The following PBRM1 variants were observed in gnomAD, a reference collection of about 807,000 sequenced individuals.
The protein encoded by PBRM1 is polybromo 1, also known as protein polybromo-1.
A neutral mutation model predicts 194.5 loss-of-function variants in PBRM1; 27 were observed. That is an observed-to-expected ratio of 0.14 (90% CI 0.10 to 0.19). The LOEUF (loss-of-function observed/expected upper bound fraction) is 0.19, where lower values mean the gene tolerates loss of function less well. Ranked by LOEUF, PBRM1 falls within the 10% of genes least tolerant of loss-of-function variation. PBRM1 has a pLI of 1.00. For synonymous variants in PBRM1, 655 were observed against 693.2 expected (o/e 0.94, Z 0.87); for missense variants, 1,466 against 2,077.2 (o/e 0.71, Z 5.72).
chr3:52,548,089 G>T (rs761719532), exon 30 of PBRM1: 79 of 1,610,192 alleles, frequency 4.9e-5, no homozygotes, highest in Non-Finnish European at 6.4e-5. Context: ...TTGTATGCTT[G>T]GCGAATGTTG....
upstream of PBRM1, among the ~76,000 whole-genome samples, chr3:52,683,278 G>C (rs2097244212): frequency 6.6e-6 from 1 of 151,828 alleles, no homozygotes; most frequent in South Asian, 2.1e-4. Context: ...GGAGGCTGAA[G>C]CATGAGAATT....
intron 15 of PBRM1, among the ~76,000 whole-genome samples, chr3:52,610,461 G>C (rs2094550537): frequency 6.6e-6 from 1 of 152,138 alleles, no homozygotes; most frequent in Admixed American, 6.5e-5. Flanking sequence ...TAGCAGTATA[G>C]CCCACATTAG....
At chr3:52,664,148 G>A (rs894883005) in intron 3 of PBRM1, among the ~76,000 whole-genome samples, 1 of 151,754 alleles carries the variant, frequency 6.6e-6, no homozygotes, top group Non-Finnish European at 1.5e-5. Flanking sequence ...CTTAAGCCCA[G>A]GAGTTTAAGG....
At chr3:52,634,975 G>A (rs961942262) in intron 10 of PBRM1, among the ~76,000 whole-genome samples, 160 bp from the exon 12 acceptor site, 1 of 152,122 alleles carries the variant, frequency 6.6e-6, no homozygotes, top group African/African-American at 2.4e-5. Flanking sequence ...ACCCAGGCTG[G>A]AGTGCAAGGG....
intron 10 of PBRM1, among the ~76,000 whole-genome samples, chr3:52,637,389 C>T (rs543431287): frequency 1.6e-3 from 244 of 152,148 alleles, no homozygotes; most frequent in Non-Finnish European, 2.8e-3. Context: ...CCCAACAATT[C>T]GAGAGGCAGA....
chr3:52,679,875 TAAGCCCTGGACTTCCTTG>T, upstream of PBRM1: 2 of 471,278 alleles, frequency 4.2e-6, no homozygotes, highest in Non-Finnish European at 7.3e-6. Context: ...TTTTTTTTTT[TAAGCCCTGGACTTCCTTG>T]TTTTAGTCTT....
chr3:52,621,844 G>A (rs1163334290), intron 13 of PBRM1, among the ~76,000 whole-genome samples: 1 of 152,166 alleles, frequency 6.6e-6, no homozygotes, highest in Non-Finnish European at 1.5e-5. Flanking sequence ...TTGAGCCCAG[G>A]AGTTCGAGAC....
chr3:52,683,241 G>A (rs1362485906), upstream of PBRM1, among the ~76,000 whole-genome samples: 3 of 151,740 alleles, frequency 2.0e-5, no homozygotes, highest in Non-Finnish European at 4.4e-5. Context: ...GGCTGAGGCA[G>A]TGCATGCCTG....
chr3:52,550,850 G>A, intron 27 of PBRM1, 33 bp from the exon 30 acceptor site: 3 of 1,431,428 alleles, frequency 2.1e-6, no homozygotes, highest in Non-Finnish European at 2.9e-6. Context: ...ACAGTTAGAG[G>A]CTCTGGGTTG....
At chr3:52,562,465 A>G (rs1290816368) in intron 24 of PBRM1, among the ~76,000 whole-genome samples, 2 of 152,118 alleles carry the variant, frequency 1.3e-5, no homozygotes, top group Non-Finnish European at 2.9e-5. Context: ...AGTAAAAAAG[A>G]AATGAAAGTT....
intron 7 of PBRM1, among the ~76,000 whole-genome samples, chr3:52,646,253 T>C (rs1254070489): frequency 2.0e-5 from 3 of 152,336 alleles, no homozygotes; most frequent in Admixed American, 6.5e-5. Context: ...TTTTGAGTAT[T>C]TGAGTCAGCA....
intron 25 of PBRM1, among the ~76,000 whole-genome samples, chr3:52,561,458 C>T (rs2083504495): frequency 6.6e-6 from 1 of 152,138 alleles, no homozygotes; most frequent in South Asian, 2.1e-4. Context: ...CAATAATTCC[C>T]TAGCTCAACA....
intron 1 of PBRM1, 53 bp downstream of exon 2, chr3:52,679,521 A>G (rs1319614873): frequency 6.9e-5 from 105 of 1,521,012 alleles, no homozygotes; most frequent in Non-Finnish European, 9.5e-5. Context: ...TAAAGGGAAG[A>G]TAGGGGAATT....
intron 13 of PBRM1, among the ~76,000 whole-genome samples, chr3:52,619,620 A>C (rs1321799644): frequency 2.0e-5 from 3 of 152,178 alleles, no homozygotes; most frequent in South Asian, 2.1e-4. Context: ...AGGTGGAAGA[A>C]AGTTCATTCC....
chr3:52,618,801 G>A (rs2095118765), intron 13 of PBRM1, among the ~76,000 whole-genome samples: 1 of 151,972 alleles, frequency 6.6e-6, no homozygotes, highest in Admixed American at 6.6e-5. Context: ...GCCCAGGCTG[G>A]AGTGCAACGG....
intron 17 of PBRM1, among the ~76,000 whole-genome samples, chr3:52,600,785 C>T (rs1046905367): frequency 3.3e-5 from 5 of 152,076 alleles, no homozygotes; most frequent in Admixed American, 2.0e-4. Flanking sequence ...ATTACAGGCA[C>T]GCGCCACCAC....
chr3:52,623,137 G>C (rs1396319260), intron 13 of PBRM1, among the ~76,000 whole-genome samples: 1 of 152,104 alleles, frequency 6.6e-6, no homozygotes, highest in East Asian at 1.9e-4. Flanking sequence ...CCAAAAGTTG[G>C]CACAGCCCGG....
chr3:52,567,575 A>G (rs1367728367), intron 22 of PBRM1, among the ~76,000 whole-genome samples: 5 of 150,616 alleles, frequency 3.3e-5, no homozygotes, highest in Non-Finnish European at 7.4e-5. Flanking sequence ...CAAAAAAAAA[A>G]AAAAAAGAAA....
intron 17 of PBRM1, among the ~76,000 whole-genome samples, chr3:52,597,449 C>G (rs2093657204): frequency 6.6e-6 from 1 of 152,136 alleles, no homozygotes. Flanking sequence ...AAACTGTTAT[C>G]TAGCAATTGA....
Sources: gnomAD v4.1 joint callset for allele counts (sites outside exome capture counted in the v4.1 genomes callset) on GRCh38, gnomAD v4.1.1 for gene constraint, MANE v1.5 for transcripts, NCBI Gene and HGNC (gene_info 2026-07-23, HGNC 2026-07-21) for gene names.